Variants in CREBBP observed in about 807,000 individuals in gnomAD.
CREBBP encodes CREB-binding protein.
Under a neutral mutation model 265.0 loss-of-function variants are expected in CREBBP, and 19 were observed. The ratio of observed to expected loss-of-function variants is 0.07; its 90% CI spans 0.05 to 0.11. The LOEUF is 0.11. CREBBP is among the 10% of genes least tolerant of loss of function. CREBBP has a pLI of 1.00. For synonymous variants in CREBBP, 1,457 were observed against 1,223.7 expected (o/e 1.19, Z -3.98); for missense variants, 2,525 against 3,219.0 (o/e 0.78, Z 5.22).
At chr16:3,848,559 G>A in intron 2 of CREBBP, among the ~76,000 whole-genome samples, 1 of 152,146 alleles carries the variant, frequency 6.6e-6, no homozygotes, top group Non-Finnish European at 1.5e-5. Context: ...ATATTGAGAG[G>A]TATACTGCAC....
intron 2 of CREBBP, among the ~76,000 whole-genome samples, chr16:3,825,928 A>G (rs545806798): frequency 6.6e-6 from 1 of 152,374 alleles, no homozygotes; most frequent in African/African-American, 2.4e-5. Flanking sequence ...TGTTCTTAAA[A>G]AAGCAAGATG....
intron 3 of CREBBP, among the ~76,000 whole-genome samples, chr16:3,798,592 C>A (rs531144538): frequency 6.6e-6 from 1 of 152,174 alleles, no homozygotes; most frequent in Admixed American, 6.5e-5. Context: ...ACCTTATTAG[C>A]CATTAGGGAA....
Position 3,855,462 on chromosome 16 carries a change from G to A in CREBBP, c.86-4453C>T, listed in dbSNP as rs187294876. On this transcript the variant is annotated intron_variant, in intron 1 of 30. Transcript: ENST00000262367. ...GTATTTTTAGTAGAGACGGGGTTTCGCCACGTTGGCCAGGCTGGTTTCGAA... is the reference window on the plus strand; with the variant it reads ...GTATTTTTAGTAGAGACGGGGTTTCACCACGTTGGCCAGGCTGGTTTCGAA... 1.4e-3 allele frequency among the ~76,000 whole-genome samples: 217 copies of A among 152,218 alleles called. 1 individual carries two copies. Among genetic ancestry groups the A allele is most frequent in the African/African-American group, 4.7e-3 (197 of 41,534 alleles).
intron 2 of CREBBP, among the ~76,000 whole-genome samples, chr16:3,841,164 T>G (rs576523734): frequency 1.6e-4 from 25 of 152,256 alleles, no homozygotes; most frequent in South Asian, 1.2e-3. Context: ...ACCATGATAC[T>G]AGTGATGTAT....
Position 3,739,651 on chromosome 16 carries a change from C to T in CREBBP, c.4207G>A (p.Asp1403Asn), listed in dbSNP as rs2151337140. 1 of 1,614,206 alleles carries T rather than the reference C, an allele frequency of 6.2e-7. No individual in the cohort carries two copies. Among genetic ancestry groups the T allele is most frequent in the Non-Finnish European group, 8.5e-7 (1 of 1,180,048 alleles). The change falls in exon 25 of 31, where the codon GAC becomes AAC. Residue 1403 changes from aspartate to asparagine, a missense_variant. Asp to Asn is a conservative substitution (Grantham distance 23, BLOSUM62 1). Around this residue, in one of 19 missense-constraint regions of CREBBP, gnomAD observed 252 missense variants for 452.5 expected, o/e 0.56. Coordinates refer to ENST00000262367, the MANE Select transcript of CREBBP (RefSeq NM_004380.3). ...CCAAAAAAGCAGACATCCACGCCGTCAATTTCCTCAAAAGCAAACAGAGCT... is the reference window on the plus strand; with the variant it reads ...CCAAAAAAGCAGACATCCACGCCGTTAATTTCCTCAAAAGCAAACAGAGCT... ...TKALFAFEEI[D>N]GVDVCFFGMH...
At chr16:3,768,205 GC>G (rs2052912362) in intron 15 of CREBBP, among the ~76,000 whole-genome samples, 1 of 119,198 alleles carries the variant, frequency 8.4e-6, no homozygotes, top group Non-Finnish European at 1.6e-5. Flanking sequence ...GAGTGCAATG[GC>G]AAGATCTTGG....
intron 5 of CREBBP, chr16:3,784,354 C>A (rs1014775108): frequency 6.6e-6 from 1 of 152,218 alleles, no homozygotes; most frequent in African/African-American, 2.4e-5. Flanking sequence ...TCAGACACAA[C>A]TACATACACC....
At position 3,778,709 on chromosome 16, in the gene CREBBP, G is replaced by A; in HGVS notation, c.1932C>T (p.Ala644=). The change falls in exon 9 of 31, where the codon GCC becomes GCT. Residue 644 remains alanine, a synonymous_variant. Transcript: ENST00000262367. The part of the protein sequence containing the change: ...KKVEGDMYES[A]NSRDEYYHLL... ...GTAAACAGCAACCTACCCTGCTGTTGGCAGACTCGTACATGTCCCCTTCCA... is the reference window on the plus strand; with the variant it reads ...GTAAACAGCAACCTACCCTGCTGTTAGCAGACTCGTACATGTCCCCTTCCA... 2 of 1,613,328 alleles carry A rather than the reference G, an allele frequency of 1.2e-6. No homozygotes were observed. Among genetic ancestry groups the A allele is most frequent in the Non-Finnish European group, 1.7e-6 (2 of 1,179,424 alleles).
At chr16:3,862,768 C>A (rs551325074) in intron 1 of CREBBP, among the ~76,000 whole-genome samples, 4 of 152,212 alleles carry the variant, frequency 2.6e-5, no homozygotes, top group African/African-American at 9.6e-5. Context: ...AAGCTCCCCA[C>A]GGCAGAGCAG....
rs748030826 is a variant in CREBBP at position 3,850,825 on chromosome 16, G to C, written c.270C>G (p.Ser90Arg). Residue 90 changes from serine (S) to arginine (R), a missense_variant, in exon 2 of 31, where the codon AGC (serine) becomes AGG (arginine). Transcript: ENST00000262367. ...SSINPGIGNV[S>R]ASSPVQQGLG... ...GGCCCTGCTGCACGGGGCTGCTGGC[G>C]CTCACATTTCCTATTCCTGGGTTGA... 3 of 1,613,964 alleles carry C rather than the reference G, an allele frequency of 1.9e-6. No individual in the cohort carries two copies. Among genetic ancestry groups the C allele is most frequent in the Non-Finnish European group, 2.5e-6 (3 of 1,180,040 alleles).
intron 26 of CREBBP, chr16:3,737,077 G>C: frequency 1.8e-6 from 1 of 554,658 alleles, no homozygotes; most frequent in Admixed American, 3.1e-5. Flanking sequence ...GAAACCTGAG[G>C]CCTCATTAAA....
At chr16:3,870,642 C>A (rs914828349) in intron 1 of CREBBP, among the ~76,000 whole-genome samples, 1 of 152,192 alleles carries the variant, frequency 6.6e-6, no homozygotes, top group Non-Finnish European at 1.5e-5. Context: ...TGCACTAGAG[C>A]TGGCACTGAA....
chr16:3,770,385 G>A (rs572745369), intron 14 of CREBBP, among the ~76,000 whole-genome samples, 185 bp downstream of exon 14: 8 of 151,716 alleles, frequency 5.3e-5, no homozygotes, highest in Non-Finnish European at 7.4e-5. Context: ...TGCTGGAGAC[G>A]AGGTCTCACT....
chr16:3,810,836 G>A (rs879059567), intron 2 of CREBBP, 57 bp from the exon 3 acceptor site: 108 of 1,568,262 alleles, frequency 6.9e-5, no homozygotes, highest in African/African-American at 8.1e-5. Context: ...TAAAAGGAAG[G>A]GCCTGGGAAA....
intron 2 of CREBBP, 39 bp downstream of exon 2, chr16:3,850,258 G>T: frequency 6.2e-7 from 1 of 1,608,026 alleles, no homozygotes. Context: ...AAAGCCCGCG[G>T]TTAGGTAGGA....
At chr16:3,743,021 G>A (rs1033849859) in intron 23 of CREBBP, 7 of 152,196 alleles carry the variant, frequency 4.6e-5, no homozygotes, top group African/African-American at 1.7e-4. Flanking sequence ...CTGGCCCAGG[G>A]AAGAACTTCC....
intron 2 of CREBBP, among the ~76,000 whole-genome samples, chr16:3,834,585 A>G (rs1386861904): frequency 1.4e-4 from 21 of 152,200 alleles, no homozygotes; most frequent in Non-Finnish European, 1.2e-4. Context: ...AATACTCTGC[A>G]TGACACTACA....
At position 3,879,896 on chromosome 16, in the gene CREBBP, G is replaced by A. The variant is rs375531370; in HGVS notation, c.21C>T (p.Asp7=). The change falls in exon 1 of 31, where the codon GAC becomes GAT. Residue 7 remains aspartate (D), a synonymous_variant. Coordinates refer to ENST00000262367, the MANE Select transcript of CREBBP (RefSeq NM_004380.3). MAENLL[D]GPPNPKRAKL... ...TGGCTCTTTTGGGGTTGGGCGGTCCGTCCAGCAAGTTCTCAGCCATTTTCA... is the reference window on the plus strand; with the variant it reads ...TGGCTCTTTTGGGGTTGGGCGGTCCATCCAGCAAGTTCTCAGCCATTTTCA... The A allele has an allele frequency of 8.1e-6, 13 of 1,612,472 alleles. No homozygotes were observed. The highest frequency in any genetic ancestry group is 5.3e-5 in the African/African-American group (4 of 74,818).
intron 2 of CREBBP, among the ~76,000 whole-genome samples, chr16:3,843,671 C>T (rs2054608268): frequency 1.3e-5 from 2 of 152,024 alleles, no homozygotes; most frequent in African/African-American, 4.8e-5. Flanking sequence ...CCTCCCACCT[C>T]AGCCTCCTAA....
Sources: allele counts gnomAD v4.1 joint callset (sites outside exome capture counted in the v4.1 genomes callset), GRCh38; gene constraint gnomAD v4.1.1; regional missense constraint gnomAD v4.1.1; transcripts MANE v1.5; gene names NCBI Gene and HGNC (gene_info 2026-07-23, HGNC 2026-07-21).